Variants in GSE1 observed in about 807,000 individuals in gnomAD.
GSE1 encodes Gse1 coiled-coil protein.
Under a neutral mutation model 112.6 loss-of-function variants are expected in GSE1, and 32 were observed. The observed-to-expected ratio is 0.28, with a 90% CI of 0.21 to 0.38. GSE1 has a LOEUF of 0.38. Among genes scored for constraint, GSE1 ranks in the 10% least tolerant of loss-of-function variants. The probability of loss-of-function intolerance (pLI) is 1.00; values close to 1 mark genes in which losing one functional copy is unlikely to be tolerated. For missense variants in GSE1, 2,348 were observed against 1,699.2 expected (o/e 1.38, Z -6.71); for synonymous variants, 1,115 against 735.6 (o/e 1.52, Z -8.35).
chr16:85,601,830 C>T (rs2151484640), intron 1 of GSE1, among the ~76,000 whole-genome samples: 1 of 152,334 alleles, frequency 6.6e-6, no homozygotes, highest in Non-Finnish European at 1.5e-5. Flanking sequence ...TGGGTGAGGG[C>T]AGAGCTGCCC....
intron 2 of GSE1, among the ~76,000 whole-genome samples, chr16:85,537,798 C>T (rs1280155492): frequency 6.6e-6 from 1 of 151,966 alleles, no homozygotes; most frequent in East Asian, 1.9e-4. Flanking sequence ...AAATGGTACC[C>T]TAAAGCCCCG....
intron 2 of GSE1, among the ~76,000 whole-genome samples, chr16:85,399,249 G>C (rs778437144): frequency 6.6e-6 from 1 of 152,118 alleles, no homozygotes; most frequent in Non-Finnish European, 1.5e-5. Context: ...TCCTGACCCT[G>C]CACCCATGGT....
chr16:85,456,564 G>C (rs974497366), intron 2 of GSE1, among the ~76,000 whole-genome samples: 1 of 146,806 alleles, frequency 6.8e-6, no homozygotes, highest in African/African-American at 2.5e-5. Flanking sequence ...AGGGAGGGGA[G>C]GGTCATTTTC....
chr16:85,627,399 C>T (rs1174383583), intron 1 of GSE1, among the ~76,000 whole-genome samples: 2 of 151,994 alleles, frequency 1.3e-5, no homozygotes, highest in African/African-American at 4.8e-5. Flanking sequence ...AGTTGAGGCT[C>T]ACATGAAGAA....
chr16:85,384,218 G>A (rs948495633), intron 2 of GSE1, among the ~76,000 whole-genome samples: 6 of 152,178 alleles, frequency 3.9e-5, no homozygotes, highest in East Asian at 1.9e-4. Flanking sequence ...CTTCCTGATG[G>A]GGGCCCCGAG....
rs973104660 is a variant in GSE1, at chr16:85,437,440, C to T, written c.2464+79797C>T. On this transcript the variant is annotated intron_variant, in intron 2 of 2. Transcript: ENST00000637419. ...GCCTCCTGCTGGACCGGGAGGCAGC[C>T]GTATGGTGCCTGGGAGGAGAAATAA... 2.0e-5 allele frequency among the ~76,000 whole-genome samples: 3 copies of T among 152,206 alleles called. 1 individual carries two copies. Among genetic ancestry groups the T allele is most frequent in the Middle Eastern group, 6.8e-3 (2 of 294 alleles).
At chr16:85,366,494 T>C (rs1226518945) in intron 2 of GSE1, among the ~76,000 whole-genome samples, 5 of 152,378 alleles carry the variant, frequency 3.3e-5, no homozygotes, top group Admixed American at 6.5e-5. Flanking sequence ...AGCTTACAAG[T>C]TGGGGCAGGA....
intron 1 of GSE1, among the ~76,000 whole-genome samples, chr16:85,591,104 C>T (rs1260479486): frequency 6.6e-6 from 1 of 152,192 alleles, no homozygotes; most frequent in African/African-American, 2.4e-5. Flanking sequence ...CAGAGGCCAT[C>T]GGGACTTACA....
chr16:85,635,662 G>C (rs553556262), intron 2 of GSE1, among the ~76,000 whole-genome samples: 4 of 152,296 alleles, frequency 2.6e-5, no homozygotes, highest in African/African-American at 9.6e-5. Context: ...TCAGCGTTTG[G>C]GGGCAGGAGA....
At chr16:85,583,987 A>G (rs563969517) in intron 1 of GSE1, among the ~76,000 whole-genome samples, 1 of 152,298 alleles carries the variant, frequency 6.6e-6, no homozygotes, top group African/African-American at 2.4e-5. Context: ...TGTGATCTCC[A>G]TAGATTTCTT....
chr16:85,350,517 G>A (rs1257448982), intron 1 of GSE1, among the ~76,000 whole-genome samples: 1 of 152,150 alleles, frequency 6.6e-6, no homozygotes, highest in Non-Finnish European at 1.5e-5. Flanking sequence ...CTGCCCAGCA[G>A]CCAGGGTGTG....
chr16:85,307,519 C>A (rs1353230191), intron 1 of GSE1, among the ~76,000 whole-genome samples: 1 of 152,154 alleles, frequency 6.6e-6, no homozygotes, highest in Non-Finnish European at 1.5e-5. Flanking sequence ...TGGGGTGAGC[C>A]CAGGAGGGTT....
rs139610223 is a variant in GSE1, at chr16:85,399,202, G to A, written c.2464+41559G>A. The stretch of plus-strand genomic sequence containing the variant: ...GATGTGCACGTGTGATGTGTGTGGT[G>A]CTGTGGGGAGCCCTCCAGGGTTTCA... On this transcript the variant is annotated intron_variant, in intron 2 of 2. Coordinates refer to the GSE1 transcript ENST00000637419. 7.3e-4 allele frequency among the ~76,000 whole-genome samples: 111 copies of A among 152,194 alleles called. No homozygotes were observed. In the East Asian group the frequency reaches 0.018, roughly 24 times the overall value.
intron 1 of GSE1, among the ~76,000 whole-genome samples, chr16:85,336,259 GGA>G (rs1335665631): frequency 5.3e-5 from 8 of 152,286 alleles, no homozygotes; most frequent in African/African-American, 1.9e-4. Flanking sequence ...ATTGGCTGAT[GGA>G]TTTTTGAGCC....
chr16:85,634,384 G>T (rs1311709155), intron 2 of GSE1, among the ~76,000 whole-genome samples: 1 of 152,250 alleles, frequency 6.6e-6, no homozygotes, highest in Non-Finnish European at 1.5e-5. Context: ...CACTGCAGGG[G>T]TGTCCGGATG....
intron 1 of GSE1, among the ~76,000 whole-genome samples, chr16:85,227,066 T>A (rs1228624357): frequency 6.6e-6 from 1 of 151,946 alleles, no homozygotes; most frequent in Non-Finnish European, 1.5e-5. Flanking sequence ...TGTCTATTTA[T>A]ATACCCATTA....
intron 2 of GSE1, chr16:85,490,886 G>T (rs1365160115): frequency 6.6e-6 from 1 of 152,152 alleles, no homozygotes; most frequent in Non-Finnish European, 1.5e-5. Context: ...GGGTGCCACG[G>T]TTACAGCTGA....
chr16:85,297,982 C>G lies in GSE1; in HGVS notation c.2284-59481C>G, dbSNP rs573795479. ...TGGGAAACAGGCCAGTTATCTTGAG[C>G]TCAGCTTATTAAGGATTGCCTTCCG... On this transcript the variant is annotated intron_variant, in intron 1 of 2. Coordinates refer to the GSE1 transcript ENST00000637419. Among the ~76,000 whole-genome samples the G allele has an allele frequency of 3.9e-5, 6 of 152,268 alleles. No homozygotes were observed. In the South Asian group the frequency reaches 1.0e-3, roughly 26 times the overall value.
At chr16:85,341,308 G>T (rs1427039740) in intron 1 of GSE1, among the ~76,000 whole-genome samples, 1 of 152,114 alleles carries the variant, frequency 6.6e-6, no homozygotes, top group Non-Finnish European at 1.5e-5. Context: ...TCCTGCCTCA[G>T]TCTCCTAATC....
Sources: allele counts gnomAD v4.1 joint callset (sites outside exome capture counted in the v4.1 genomes callset), GRCh38; gene constraint gnomAD v4.1.1; transcripts MANE v1.5; gene names NCBI Gene and HGNC (gene_info 2026-07-23, HGNC 2026-07-21).